Variants in PJA2 observed in about 807,000 individuals in gnomAD.
PJA2 encodes the protein E3 ubiquitin-protein ligase Praja-2.
A neutral mutation model predicts 69.3 loss-of-function variants in PJA2; 25 were observed. The observed-to-expected ratio is 0.36, with a 90% CI of 0.26 to 0.50. The LOEUF (loss-of-function observed/expected upper bound fraction) is 0.50, where lower values mean the gene tolerates loss of function less well. Ranked by LOEUF, PJA2 falls within the 20% of genes least tolerant of loss-of-function variation. The probability of loss-of-function intolerance (pLI) is 0.96; values close to 1 mark genes in which losing one functional copy is unlikely to be tolerated. For missense variants in PJA2, 809 were observed against 830.2 expected, an observed-to-expected ratio of 0.97 and a Z score of 0.31; for synonymous variants, 308 against 277.8, an observed-to-expected ratio of 1.11 and a Z score of -1.08.
intron 4 of PJA2, among the ~76,000 whole-genome samples, chr5:109,377,347 T>C (rs574760922): frequency 1.3e-5 from 2 of 152,212 alleles, no homozygotes; most frequent in East Asian, 3.9e-4. Flanking sequence ...TTGAGCACTG[T>C]CAGGGATGCA....
At chr5:109,407,116 C>T (rs377356436) in intron 1 of PJA2, among the ~76,000 whole-genome samples, 4 of 152,140 alleles carry the variant, frequency 2.6e-5, no homozygotes, top group African/African-American at 7.2e-5. Context: ...AAATATTCCA[C>T]TCTTGACTGT....
intron 4 of PJA2, among the ~76,000 whole-genome samples, chr5:109,374,661 T>A (rs1040872159): frequency 6.6e-6 from 1 of 152,188 alleles, no homozygotes; most frequent in Non-Finnish European, 1.5e-5. Context: ...TTTCCCAACA[T>A]CATCAACAAA....
intron 4 of PJA2, among the ~76,000 whole-genome samples, chr5:109,376,650 C>T (rs1239563016): frequency 6.6e-6 from 1 of 151,976 alleles, no homozygotes. Flanking sequence ...AAAATACAAG[C>T]ACCTTACACT....
intron 1 of PJA2, among the ~76,000 whole-genome samples, chr5:109,403,383 A>G (rs79996220): frequency 0.03 from 4,615 of 152,214 alleles, 90 homozygotes; most frequent in Middle Eastern, 0.048. Context: ...TATCCTTTGA[A>G]GCCTTCCAGC....
At chr5:109,362,710 T>C (rs1762522467) in intron 6 of PJA2, 130 bp downstream of exon 6, 2 of 891,984 alleles carry the variant, frequency 2.2e-6, no homozygotes, top group Admixed American at 6.3e-5. Flanking sequence ...TGAAATGAGC[T>C]TTGAAGAAGA....
Position 109,335,361 on chromosome 5 carries a change from T to C in PJA2, c.*1870A>G, listed in dbSNP as rs1309526012. On this transcript the variant is annotated 3_prime_UTR_variant, in exon 10 of 10. Transcript: ENST00000361189. ...CAGCTCTCAACATTGCTGGTTGAGTTTGGAACCAAAACCTCTTAACAACTG... is the reference window on the plus strand; with the variant it reads ...CAGCTCTCAACATTGCTGGTTGAGTCTGGAACCAAAACCTCTTAACAACTG... 1.3e-5 allele frequency: 2 copies of C among 152,666 alleles called. No individual in the cohort carries two copies. The highest frequency in any genetic ancestry group is 3.8e-4 in the East Asian group (2 of 5,204). 9.5% of individuals were successfully genotyped at this position (152,666 alleles called of 1,614,324 possible).
At position 109,380,232 on chromosome 5, in the gene PJA2, C is replaced by T. The variant is rs560252506; in HGVS notation, c.233-978G>A. ...CCTCAGCCTCCCAAGTAGCTGGGAA[C>T]GAAGGGTTCTTCAATGGGATGACCC... is the stretch of plus-strand genomic sequence containing the variant. On this transcript the variant is annotated intron_variant, in intron 3 of 9. Transcript: ENST00000361189. Among the ~76,000 whole-genome samples, 4 of 151,074 alleles carry T rather than the reference C, an allele frequency of 2.6e-5. No homozygotes were observed. The South Asian group carries it at 6.3e-4, about 24-fold the overall frequency.
intron 8 of PJA2, 75 bp downstream of exon 8, chr5:109,344,626 TTTAA>T (rs1316609787): frequency 1.1e-6 from 1 of 938,760 alleles, no homozygotes; most frequent in Admixed American, 2.5e-5. Context: ...TAATCAAGTA[TTTAA>T]TTATCTAGGT....
intron 1 of PJA2, among the ~76,000 whole-genome samples, chr5:109,408,791 C>T (rs1162526804): frequency 6.6e-6 from 1 of 152,210 alleles, no homozygotes; most frequent in Non-Finnish European, 1.5e-5. Context: ...AATTACAACA[C>T]TGAAAAATAC....
intron 9 of PJA2, among the ~76,000 whole-genome samples, chr5:109,339,359 G>A (rs903250111): frequency 2.0e-5 from 3 of 152,176 alleles, no homozygotes; most frequent in Admixed American, 6.5e-5. Flanking sequence ...TCCAGGTGAT[G>A]GGATATCCTA....
intron 7 of PJA2, among the ~76,000 whole-genome samples, chr5:109,354,373 C>A (rs1157598165): frequency 7.3e-6 from 1 of 136,732 alleles, no homozygotes; most frequent in African/African-American, 3.0e-5. Context: ...CTAGAGATAT[C>A]TATAGATTAG....
chr5:109,401,525 G>GA (rs1450091619), intron 1 of PJA2, among the ~76,000 whole-genome samples: 1 of 152,002 alleles, frequency 6.6e-6, no homozygotes, highest in Non-Finnish European at 1.5e-5. Flanking sequence ...ACTGACAGCA[G>GA]AAAAAAGGAA....
chr5:109,343,349 A>AT, intron 9 of PJA2, among the ~76,000 whole-genome samples: 1 of 13,486 alleles, frequency 7.4e-5, no homozygotes, highest in Middle Eastern at 0.031. Context: ...ATAATGTACC[A>AT]TAAAAAAAAA....
Position 109,380,804 on chromosome 5 carries a change from CAA to C in PJA2, c.232+697_232+698del, listed in dbSNP as rs34675958. Among the ~76,000 whole-genome samples the C allele has an allele frequency of 9.9e-3, 880 of 88,700 alleles. 6 individuals carry two copies. The highest frequency in any genetic ancestry group is 0.04 in the African/African-American group (816 of 20,606). The allele number at this position is 88,700 out of a possible 152,430, so 58.2% of individuals were successfully genotyped here. A position where few individuals can be genotyped will look rare whatever the true frequency, so the allele number is the denominator to read the frequency against. On this transcript the variant is annotated intron_variant, in intron 3 of 9. Transcript: ENST00000361189. ...TGGATGACAAAGTAAGATTCCATCTCAAAAAAAAAAAAAAAAAAAGAACGCCA... is the reference window on the plus strand; with the variant it reads ...TGGATGACAAAGTAAGATTCCATCTCAAAAAAAAAAAAAAAAAGAACGCCA...
chr5:109,400,115 C>A (rs1283393352), intron 1 of PJA2, among the ~76,000 whole-genome samples: 1 of 151,716 alleles, frequency 6.6e-6, no homozygotes, highest in Admixed American at 6.6e-5. Flanking sequence ...CATAGTGATA[C>A]CCGTCTCTAC....
intron 1 of PJA2, among the ~76,000 whole-genome samples, chr5:109,396,422 C>CTTTTTTTTTTTTTTTTTTTTTTTTTT (rs35744917): frequency 1.2e-5 from 1 of 85,264 alleles, no homozygotes; most frequent in Non-Finnish European, 2.3e-5. Flanking sequence ...ATGTAAAGTT[C>CTTTTTTTTTTTTTTTTTTTTTTTTTT]TTTTTTTTTT....
intron 5 of PJA2, among the ~76,000 whole-genome samples, chr5:109,367,823 G>A (rs1223777188): frequency 6.6e-6 from 1 of 152,058 alleles, no homozygotes; most frequent in East Asian, 1.9e-4. Context: ...TCATGATCAG[G>A]GCAAAAGTAA....
chr5:109,364,622 C>CAAAAAAAAAAA (rs200663624), intron 5 of PJA2, among the ~76,000 whole-genome samples: 17 of 61,878 alleles, frequency 2.7e-4, no homozygotes, highest in African/African-American at 4.4e-4. Context: ...GACTCTGTCT[C>CAAAAAAAAAAA]AAAAAAAAAA....
intron 1 of PJA2, among the ~76,000 whole-genome samples, chr5:109,391,846 T>C (rs1747289347): frequency 6.6e-6 from 1 of 152,174 alleles, no homozygotes; most frequent in South Asian, 2.1e-4. Context: ...ATTACTAATA[T>C]TACCTTGAAA....
Sources: gnomAD v4.1 joint callset for allele counts (sites outside exome capture counted in the v4.1 genomes callset) on GRCh38, gnomAD v4.1.1 for gene constraint, MANE v1.5 for transcripts, NCBI Gene and HGNC (gene_info 2026-07-23, HGNC 2026-07-21) for gene names.